The following MGAT4C variants were observed in gnomAD, a reference collection of about 807,000 sequenced individuals.
MGAT4C encodes the protein alpha-1,3-mannosyl-glycoprotein 4-beta-N-acetylglucosaminyltransferase C.
MGAT4C carries 19 observed loss-of-function variants against 40.1 expected under a neutral mutation model. The ratio of observed to expected loss-of-function variants is 0.47; its 90% CI spans 0.33 to 0.70. The LOEUF is 0.70. Ranked by LOEUF, MGAT4C falls within the 30% of genes least tolerant of loss-of-function variation. MGAT4C has a pLI of 0.02. For synonymous variants in MGAT4C, 181 were observed against 187.1 expected (o/e 0.97, Z 0.27); for missense variants, 491 against 563.2 (o/e 0.87, Z 1.30).
At chr12:86,626,264 C>T (rs1962800742) in intron 2 of MGAT4C, among the ~76,000 whole-genome samples, 1 of 152,120 alleles carries the variant, frequency 6.6e-6, no homozygotes, top group Non-Finnish European at 1.5e-5. Flanking sequence ...AAAGAGATGA[C>T]TCTAATCAAT....
At chr12:86,791,185 G>A (rs1237365084) in intron 1 of MGAT4C, among the ~76,000 whole-genome samples, 1 of 152,084 alleles carries the variant, frequency 6.6e-6, no homozygotes, top group African/African-American at 2.4e-5. Flanking sequence ...CAAGACCACA[G>A]ATGCCAAAAA....
chr12:86,474,692 T>G (rs570701030), intron 2 of MGAT4C, among the ~76,000 whole-genome samples: 1 of 152,094 alleles, frequency 6.6e-6, no homozygotes. Context: ...TCTTTTTTTT[T>G]TATAAGAAAG....
chr12:86,415,829 TTTTAA>T (rs1461586747), intron 3 of MGAT4C, among the ~76,000 whole-genome samples: 2 of 152,020 alleles, frequency 1.3e-5, no homozygotes, highest in African/African-American at 4.8e-5. Context: ...ACAAAACCTA[TTTTAA>T]TTTGTGTTCA....
At chr12:86,396,211 A>G (rs919559286) in intron 3 of MGAT4C, among the ~76,000 whole-genome samples, 13 of 152,144 alleles carry the variant, frequency 8.5e-5, no homozygotes, top group Non-Finnish European at 1.9e-4. Context: ...AAATATTGAT[A>G]CCCAGGCTCC....
chr12:86,604,895 T>C (rs1425566631), intron 2 of MGAT4C, among the ~76,000 whole-genome samples: 4 of 152,176 alleles, frequency 2.6e-5, no homozygotes, highest in African/African-American at 9.6e-5. Flanking sequence ...GCATGTACCA[T>C]GTCTCTTCTC....
intron 1 of MGAT4C, among the ~76,000 whole-genome samples, chr12:86,829,214 G>A (rs1243151337): frequency 6.6e-6 from 1 of 151,300 alleles, no homozygotes; most frequent in African/African-American, 2.4e-5. Flanking sequence ...TTTTATACTG[G>A]CTGATTATGT....
At chr12:86,383,709 A>T (rs2136222131) in intron 3 of MGAT4C, among the ~76,000 whole-genome samples, 1 of 152,224 alleles carries the variant, frequency 6.6e-6, no homozygotes, top group East Asian at 1.9e-4. Context: ...TCCAGAAAGT[A>T]ACTAACTTGG....
At chr12:86,684,311 T>C (rs1363907154) in intron 2 of MGAT4C, among the ~76,000 whole-genome samples, 1 of 152,190 alleles carries the variant, frequency 6.6e-6, no homozygotes, top group Non-Finnish European at 1.5e-5. Context: ...GTTAATTTGC[T>C]GAGAATGATG....
intron 2 of MGAT4C, among the ~76,000 whole-genome samples, chr12:86,628,876 G>A (rs1962917802): frequency 6.6e-6 from 1 of 152,030 alleles, no homozygotes; most frequent in African/African-American, 2.4e-5. Flanking sequence ...ATAATGACAG[G>A]AACAAATTCA....
chr12:86,835,625 T>A (rs1053476364), intron 1 of MGAT4C, among the ~76,000 whole-genome samples: 1 of 152,046 alleles, frequency 6.6e-6, no homozygotes, highest in Admixed American at 6.6e-5. Context: ...TGAGGAATAG[T>A]TCTCTCTGCT....
intron 1 of MGAT4C, among the ~76,000 whole-genome samples, chr12:86,173,522 A>G (rs1887071428): frequency 1.3e-5 from 2 of 152,134 alleles, no homozygotes; most frequent in Admixed American, 6.5e-5. Flanking sequence ...AATTGGTCGC[A>G]ATGAGCCACA....
rs145298949 is a variant in MGAT4C at position 86,408,158 on chromosome 12, C to A, written c.-120+26999G>T. On this transcript the variant is annotated intron_variant, in intron 3 of 7. Transcript: ENST00000548651. ...TCTCTTGTGTTTTAAAAAATAGTGT[C>A]TTCATAAAATGTGTTTGAATGCACA... Among the ~76,000 whole-genome samples the A allele has an allele frequency of 2.6e-4, 39 of 151,876 alleles. No homozygotes were observed. The East Asian group carries it at 7.4e-3, about 29-fold the overall frequency.
At chr12:86,136,138 T>C (rs761605394) in intron 1 of MGAT4C, among the ~76,000 whole-genome samples, 4 of 152,164 alleles carry the variant, frequency 2.6e-5, no homozygotes, top group African/African-American at 4.8e-5. Context: ...AATATATCCA[T>C]AAAATAATCA....
chr12:86,721,043 C>G (rs957121464), intron 2 of MGAT4C, among the ~76,000 whole-genome samples: 1 of 152,020 alleles, frequency 6.6e-6, no homozygotes, highest in Non-Finnish European at 1.5e-5. Context: ...AAACTTTGAC[C>G]AATCAAGAAT....
intron 2 of MGAT4C, among the ~76,000 whole-genome samples, chr12:85,990,820 G>T (rs1216393721): frequency 6.6e-6 from 1 of 152,108 alleles, no homozygotes; most frequent in South Asian, 2.1e-4. Flanking sequence ...GTAAATATGT[G>T]TATAAATATG....
chr12:86,404,370 T>C (rs552276643), intron 3 of MGAT4C, among the ~76,000 whole-genome samples: 2 of 152,240 alleles, frequency 1.3e-5, no homozygotes, highest in African/African-American at 4.8e-5. Flanking sequence ...ATATGTCTTA[T>C]AAGGAAAAAG....
chr12:86,234,074 T>TA (rs1222133058), intron 1 of MGAT4C, among the ~76,000 whole-genome samples: 2 of 152,228 alleles, frequency 1.3e-5, no homozygotes, highest in Admixed American at 1.3e-4. Context: ...GTAATAACAA[T>TA]AAAAAGGCAT....
At chr12:86,790,248 T>C (rs1196236531) in intron 1 of MGAT4C, among the ~76,000 whole-genome samples, 2 of 152,146 alleles carry the variant, frequency 1.3e-5, no homozygotes, top group Non-Finnish European at 2.9e-5. Context: ...ATGACTGTTA[T>C]TGGATATATT....
intron 2 of MGAT4C, among the ~76,000 whole-genome samples, chr12:86,452,081 A>C (rs1383835983): frequency 6.6e-6 from 1 of 152,022 alleles, no homozygotes; most frequent in Non-Finnish European, 1.5e-5. Flanking sequence ...TCGTGGGCAA[A>C]TCACCTGATT....
Sources: allele counts gnomAD v4.1 joint callset (sites outside exome capture counted in the v4.1 genomes callset), GRCh38; gene constraint gnomAD v4.1.1; transcripts MANE v1.5; gene names NCBI Gene and HGNC (gene_info 2026-07-23, HGNC 2026-07-21).